Variants in FGFR1OP2 observed in about 807,000 individuals in gnomAD.
FGFR1OP2 encodes fibroblast growth factor receptor 1 oncogene partner 2.
A neutral mutation model predicts 35.2 loss-of-function variants in FGFR1OP2; 17 were observed. That is an observed-to-expected ratio of 0.48 (90% CI 0.33 to 0.73). FGFR1OP2 has a LOEUF of 0.73. Ranked by LOEUF, FGFR1OP2 falls within the 30% of genes least tolerant of loss-of-function variation. FGFR1OP2 has a pLI of 0.02. For missense variants in FGFR1OP2, 251 were observed against 307.3 expected (o/e 0.82, Z 1.37); for synonymous variants, 105 against 104.6 (o/e 1.00, Z -0.03).
At chr12:26,957,808 A>G (rs1461442664) in intron 4 of FGFR1OP2, 65 bp downstream of exon 4, 1 of 1,410,872 alleles carries the variant, frequency 7.1e-7, no homozygotes, top group Admixed American at 2.6e-5. Context: ...CTGTGTTCAG[A>G]TTTTTTTTGA....
chr12:26,960,452 CTCAT>C (rs1345252688), intron 4 of FGFR1OP2, 59 bp from the exon 5 acceptor site: 1 of 1,197,612 alleles, frequency 8.3e-7, no homozygotes, highest in Non-Finnish European at 1.2e-6. Context: ...TGAACTAACA[CTCAT>C]TCAGTTTTTA....
chr12:26,964,513 T>C, intron 6 of FGFR1OP2, 83 bp from the exon 7 acceptor site: 1 of 1,477,108 alleles, frequency 6.8e-7, no homozygotes, highest in Non-Finnish European at 9.2e-7. Flanking sequence ...CCTTCATATG[T>C]TCAGTTTTTC....
intron 1 of FGFR1OP2, among the ~76,000 whole-genome samples, chr12:26,940,735 G>A (rs560991667): frequency 3.2e-4 from 49 of 152,308 alleles, no homozygotes; most frequent in African/African-American, 1.2e-3. Flanking sequence ...GGAAACAGAA[G>A]TGTCCAATCA....
intron 2 of FGFR1OP2, 58 bp from the exon 3 acceptor site, chr12:26,956,479 CATATAT>C (rs5797206): frequency 3.8e-4 from 92 of 241,964 alleles, no homozygotes; most frequent in Non-Finnish European, 4.9e-4. Context: ...ATTTATATAT[CATATAT>C]ATATATATAT....
At chr12:26,953,246 C>T (rs181090142) in intron 1 of FGFR1OP2, among the ~76,000 whole-genome samples, 1 of 117,960 alleles carries the variant, frequency 8.5e-6, no homozygotes, top group East Asian at 2.6e-4. Context: ...CCAGCCTGGG[C>T]GACAGAGCGA....
intron 1 of FGFR1OP2, chr12:26,953,489 C>G (rs1938970648): frequency 6.6e-6 from 1 of 152,126 alleles, no homozygotes; most frequent in Non-Finnish European, 1.5e-5. Context: ...TTTAGCATAT[C>G]AGAAGTTTCC....
chr12:26,961,258 C>CG (rs1180888512), intron 5 of FGFR1OP2: 1 of 152,128 alleles, frequency 6.6e-6, no homozygotes, highest in Non-Finnish European at 1.5e-5. Flanking sequence ...AAGCACAGAT[C>CG]TTGCCTCTTG....
At chr12:26,956,766 C>A in intron 3 of FGFR1OP2, 106 bp downstream of exon 3, 1 of 493,744 alleles carries the variant, frequency 2.0e-6, no homozygotes, top group Non-Finnish European at 3.5e-6. Flanking sequence ...GCCTGGTTGA[C>A]ATCCTCTTAG....
chr12:26,959,566 T>C (rs1483536609), intron 4 of FGFR1OP2, among the ~76,000 whole-genome samples: 1 of 152,158 alleles, frequency 6.6e-6, no homozygotes, highest in Admixed American at 6.5e-5. Flanking sequence ...AGCAAATGTT[T>C]CCTAAAATAT....
At chr12:26,960,415 A>G (rs1939085923) in intron 4 of FGFR1OP2, 100 bp from the exon 5 acceptor site, 1 of 679,758 alleles carries the variant, frequency 1.5e-6, no homozygotes, top group Non-Finnish European at 2.2e-6. Flanking sequence ...AAAAAAGCAA[A>G]CATTTCAAAC....
intron 1 of FGFR1OP2, among the ~76,000 whole-genome samples, chr12:26,941,066 C>A (rs1355103449): frequency 2.0e-5 from 3 of 146,650 alleles, no homozygotes; most frequent in African/African-American, 7.6e-5. Flanking sequence ...GTAAAGTGGG[C>A]GAGAATGTGA....
At chr12:26,943,780 G>A (rs1286606834) in intron 1 of FGFR1OP2, among the ~76,000 whole-genome samples, 5 of 152,092 alleles carry the variant, frequency 3.3e-5, no homozygotes, top group Non-Finnish European at 5.9e-5. Flanking sequence ...AGCCAAGATC[G>A]TACCGCTGCA....
intron 5 of FGFR1OP2, chr12:26,963,084 A>C (rs1032199791): frequency 7.1e-6 from 2 of 282,702 alleles, no homozygotes; most frequent in African/African-American, 4.4e-5. Context: ...TGGTGAGAGG[A>C]ATGTAAAATA....
chr12:26,942,145 G>T (rs1938745652), intron 1 of FGFR1OP2, among the ~76,000 whole-genome samples: 1 of 152,332 alleles, frequency 6.6e-6, no homozygotes, highest in South Asian at 2.1e-4. Flanking sequence ...CAGTTCTCCT[G>T]CCTCAGCCTC....
chr12:26,953,724 C>A (rs1051769032), intron 1 of FGFR1OP2: 2 of 152,502 alleles, frequency 1.3e-5, no homozygotes, highest in African/African-American at 4.8e-5. Flanking sequence ...AGCATTCTTA[C>A]AGTCAAAGTT....
At chr12:26,948,982 G>A (rs1222724132) in intron 1 of FGFR1OP2, among the ~76,000 whole-genome samples, 1 of 152,040 alleles carries the variant, frequency 6.6e-6, no homozygotes, top group Non-Finnish European at 1.5e-5. Flanking sequence ...TCCAGCCTGG[G>A]TGATGGCAAG....
At chr12:26,960,676 T>C in intron 5 of FGFR1OP2, 48 bp downstream of exon 5, 1 of 1,560,656 alleles carries the variant, frequency 6.4e-7, no homozygotes, top group Non-Finnish European at 8.7e-7. Flanking sequence ...GGAAGGGGGG[T>C]CCATTTTAAA....
rs117438079 is a variant in FGFR1OP2, at chr12:26,952,254, T to C, written c.-14-1891T>C. On this transcript the variant is annotated intron_variant, in intron 1 of 6. Transcript: ENST00000229395. Reference sequence around the variant, plus strand: ...ATAAGAAAGTTGTCTGTCTACAGTTTTAGATAATTTCCTTTGGAAATTTAG... The same window carrying C: ...ATAAGAAAGTTGTCTGTCTACAGTTCTAGATAATTTCCTTTGGAAATTTAG... Among the ~76,000 whole-genome samples, 403 of 152,202 alleles carry C rather than the reference T, an allele frequency of 2.6e-3. 12 individuals are homozygous for C. The East Asian group carries it at 0.068, about 26-fold the overall frequency.
chr12:26,943,827 CA>C (rs991800142), intron 1 of FGFR1OP2, among the ~76,000 whole-genome samples: 3 of 151,376 alleles, frequency 2.0e-5, no homozygotes, highest in Non-Finnish European at 4.4e-5. Context: ...GACTCTGTCT[CA>C]AAAAAAAGAA....
Sources: gnomAD v4.1 joint callset for allele counts (sites outside exome capture counted in the v4.1 genomes callset) on GRCh38, gnomAD v4.1.1 for gene constraint, MANE v1.5 for transcripts, NCBI Gene and HGNC (gene_info 2026-07-23, HGNC 2026-07-21) for gene names.